The following SLC27A6 variants were observed in gnomAD, a reference collection of about 807,000 sequenced individuals.
SLC27A6 encodes the protein long-chain fatty acid transport protein 6.
A neutral mutation model predicts 63.9 loss-of-function variants in SLC27A6; 74 were observed. The observed-to-expected ratio is 1.16, with a 90% confidence interval of 0.96 to 1.40. SLC27A6 has a LOEUF of 1.40. Among genes scored for constraint, SLC27A6 ranks in the 40% most tolerant of loss-of-function variants. The pLI is 0.00. For missense variants in SLC27A6, 794 were observed against 732.9 expected (o/e 1.08, Z -0.96); for synonymous variants, 287 against 260.8 (o/e 1.10, Z -0.97).
chr5:129,018,394 A>G (rs550385895), intron 5 of SLC27A6, among the ~76,000 whole-genome samples: 15 of 152,190 alleles, frequency 9.9e-5, no homozygotes, highest in African/African-American at 3.4e-4. Flanking sequence ...ACAGCAGCTC[A>G]CTTTTTCAGT....
chr5:129,030,630 G>GA (rs961156837), intron 9 of SLC27A6, among the ~76,000 whole-genome samples: 16 of 151,754 alleles, frequency 1.1e-4, no homozygotes, highest in African/African-American at 3.6e-4. Context: ...AAGTAAATAT[G>GA]AAAAAAGAAG....
In SLC27A6 at chr5:129,011,971, A is replaced by G. The variant is rs558122990; in HGVS notation, c.970-3914A>G. ...TACCCTTGAAAAGATACATATAGAT[A>G]TAGATATATCTATATATGGTTACAT... On this transcript the variant is annotated intron_variant, in intron 4 of 9. Transcript: ENST00000262462. Among the ~76,000 whole-genome samples the G allele has an allele frequency of 3.9e-5, 6 of 152,180 alleles. No homozygotes were observed. In the South Asian group the frequency reaches 6.2e-4, roughly 16 times the overall value.
chr5:129,010,765 G>A (rs144069334), intron 4 of SLC27A6, among the ~76,000 whole-genome samples: 1 of 152,064 alleles, frequency 6.6e-6, no homozygotes, highest in East Asian at 1.9e-4. Flanking sequence ...ACACCCTCCA[G>A]AAACTTGATT....
chr5:129,005,560 A>G (rs1227043253), intron 4 of SLC27A6, among the ~76,000 whole-genome samples: 1 of 148,898 alleles, frequency 6.7e-6, no homozygotes, highest in African/African-American at 2.5e-5. Context: ...AATTCCACCC[A>G]TGTTTCTCAA....
intron 4 of SLC27A6, among the ~76,000 whole-genome samples, chr5:129,002,655 C>T (rs545062840): frequency 6.6e-5 from 10 of 152,200 alleles, no homozygotes; most frequent in African/African-American, 2.4e-4. Context: ...TAATGAGGTA[C>T]AGCAGAGGAC....
chr5:128,979,748 T>C (rs1354314147), intron 1 of SLC27A6, among the ~76,000 whole-genome samples: 2 of 152,192 alleles, frequency 1.3e-5, no homozygotes, highest in African/African-American at 4.8e-5. Context: ...TATATTATAA[T>C]AATATTCAAT....
chr5:128,982,864 A>G (rs1750641041), intron 1 of SLC27A6, among the ~76,000 whole-genome samples: 1 of 152,216 alleles, frequency 6.6e-6, no homozygotes. Flanking sequence ...AATTAATAAG[A>G]CATCTTAAGG....
chr5:129,002,451 T>C (rs1473849558), intron 4 of SLC27A6, among the ~76,000 whole-genome samples: 2 of 146,144 alleles, frequency 1.4e-5, no homozygotes, highest in African/African-American at 5.6e-5. Context: ...CATTGTTCCC[T>C]CTCTTGTTCC....
chr5:129,029,751 A>C, intron 9 of SLC27A6, 44 bp downstream of exon 9: 1 of 1,530,560 alleles, frequency 6.5e-7, no homozygotes, highest in East Asian at 2.3e-5. Context: ...AAGACAGTAA[A>C]CAAGGAAGTA....
intron 1 of SLC27A6, among the ~76,000 whole-genome samples, chr5:128,977,098 G>A (rs1313420166): frequency 1.3e-5 from 2 of 152,208 alleles, no homozygotes; most frequent in Non-Finnish European, 2.9e-5. Context: ...ACAGTGGAGA[G>A]TGGACAACTT....
chr5:128,980,393 G>A (rs1367208070), intron 1 of SLC27A6, among the ~76,000 whole-genome samples: 1 of 152,218 alleles, frequency 6.6e-6, no homozygotes, highest in East Asian at 1.9e-4. Flanking sequence ...CACACAACTA[G>A]CAAGTGTCAG....
At chr5:129,008,013 T>C (rs1751601160) in intron 4 of SLC27A6, among the ~76,000 whole-genome samples, 1 of 152,066 alleles carries the variant, frequency 6.6e-6, no homozygotes, top group South Asian at 2.1e-4. Context: ...TAACTTTTAA[T>C]GTATATATAG....
At chr5:128,981,803 C>CTTTCTTTTCT (rs145278558) in intron 1 of SLC27A6, among the ~76,000 whole-genome samples, 90,561 of 146,118 alleles carry the variant, frequency 0.62, 28,733 homozygotes, top group East Asian at 0.87. Context: ...GAGTTTTTTT[C>CTTTCTTTTCT]TTTCTTTTCT....
At chr5:129,012,422 G>GA (rs1412519870) in intron 4 of SLC27A6, among the ~76,000 whole-genome samples, 2 of 151,380 alleles carry the variant, frequency 1.3e-5, no homozygotes, top group African/African-American at 2.4e-5. Flanking sequence ...ATGGCCACTT[G>GA]AAAAAAAATG....
intron 4 of SLC27A6, among the ~76,000 whole-genome samples, chr5:129,008,170 A>G (rs796888907): frequency 4.6e-5 from 7 of 152,294 alleles, no homozygotes; most frequent in African/African-American, 1.4e-4. Flanking sequence ...ACACTAAACA[A>G]TAGATCAATT....
chr5:129,017,257 TA>T (rs1291943242), intron 5 of SLC27A6, among the ~76,000 whole-genome samples: 2 of 152,134 alleles, frequency 1.3e-5, no homozygotes, highest in African/African-American at 4.8e-5. Context: ...GAAAACAGTT[TA>T]ATTGTTGGTA....
intron 4 of SLC27A6, among the ~76,000 whole-genome samples, chr5:129,006,994 T>G (rs1751563203): frequency 6.6e-6 from 1 of 152,136 alleles, no homozygotes; most frequent in South Asian, 2.1e-4. Context: ...ATTATATCCT[T>G]GTCATAAAGT....
intron 4 of SLC27A6, among the ~76,000 whole-genome samples, chr5:129,004,820 G>T (rs1751465107): frequency 6.6e-6 from 1 of 152,082 alleles, no homozygotes; most frequent in Admixed American, 6.6e-5. Flanking sequence ...CAACCATCAG[G>T]CCCTCATCTC....
At chr5:128,988,100 A>G (rs561372790) in intron 2 of SLC27A6, among the ~76,000 whole-genome samples, 5 of 152,320 alleles carry the variant, frequency 3.3e-5, no homozygotes, top group African/African-American at 9.6e-5. Context: ...TAATTGCTCA[A>G]TATATATACT....
Sources: allele counts gnomAD v4.1 joint callset (sites outside exome capture counted in the v4.1 genomes callset), GRCh38; gene constraint gnomAD v4.1.1; transcripts MANE v1.5; gene names NCBI Gene and HGNC (gene_info 2026-07-23, HGNC 2026-07-21).